Variants in HACD3 observed in about 807,000 individuals in gnomAD.
HACD3 encodes very-long-chain (3R)-3-hydroxyacyl-CoA dehydratase 3.
A neutral mutation model predicts 55.2 loss-of-function variants in HACD3; 30 were observed. The observed-to-expected ratio is 0.54, with a 90% confidence interval of 0.41 to 0.74. The LOEUF is 0.74. Ranked by LOEUF, HACD3 falls within the 30% of genes least tolerant of loss-of-function variation. HACD3 has a pLI of 0.00. For missense variants in HACD3, 363 were observed against 440.1 expected, an observed-to-expected ratio of 0.82 and a Z score of 1.57; for synonymous variants, 141 against 151.7, an observed-to-expected ratio of 0.93 and a Z score of 0.52.
In HACD3 at chr15:65,559,148, G is replaced by C. The variant is rs529286941; in HGVS notation, c.421+417G>C. On this transcript the variant is annotated intron_variant, in intron 5 of 10. Coordinates refer to ENST00000261875, the MANE Select transcript of HACD3 (RefSeq NM_016395.4). ...TGTGGTTGTCAGCCTGAAAGATGGAGAGTATTCTGTGTAGTCCTGCTATTC... is the reference window on the plus strand; with the variant it reads ...TGTGGTTGTCAGCCTGAAAGATGGACAGTATTCTGTGTAGTCCTGCTATTC... Among the ~76,000 whole-genome samples, 8 of 152,356 alleles carry C rather than the reference G, an allele frequency of 5.3e-5. No homozygotes were observed. In the East Asian group the frequency reaches 1.5e-3, roughly 29 times the overall value.
At chr15:65,563,882 A>G (rs535786288) in intron 6 of HACD3, among the ~76,000 whole-genome samples, 1 of 152,216 alleles carries the variant, frequency 6.6e-6, no homozygotes, top group African/African-American at 2.4e-5. Context: ...AGGCAGGAGA[A>G]TCACTTGAAC....
intron 1 of HACD3, among the ~76,000 whole-genome samples, chr15:65,549,860 G>A (rs144445017): frequency 3.5e-4 from 53 of 152,258 alleles, no homozygotes; most frequent in Admixed American, 6.5e-4. Context: ...CACAATTTAG[G>A]AGAACCAAAA....
chr15:65,532,632 CAAA>C (rs564490649), intron 1 of HACD3, among the ~76,000 whole-genome samples: 8 of 66,558 alleles, frequency 1.2e-4, no homozygotes, highest in Admixed American at 5.1e-4. Context: ...AACTCTGTCT[CAAA>C]AAAAAAAAAA....
intron 3 of HACD3, among the ~76,000 whole-genome samples, chr15:65,555,268 T>C (rs2072178039): frequency 6.6e-6 from 1 of 152,226 alleles, no homozygotes; most frequent in African/African-American, 2.4e-5. Context: ...CCAGCTCTGA[T>C]ATTCTCTGGT....
At chr15:65,563,850 G>A (rs1028979330) in intron 6 of HACD3, among the ~76,000 whole-genome samples, 22 of 152,070 alleles carry the variant, frequency 1.4e-4, no homozygotes, top group African/African-American at 5.1e-4. Flanking sequence ...CGTGCCTGTA[G>A]TCCCAGCTAC....
At chr15:65,545,019 A>T (rs894550083) in intron 1 of HACD3, among the ~76,000 whole-genome samples, 1 of 137,368 alleles carries the variant, frequency 7.3e-6, no homozygotes, top group African/African-American at 2.8e-5. Context: ...AATTCTGTCT[A>T]AAAAAAAAAA....
chr15:65,539,365 C>T (rs1413247637), intron 1 of HACD3, among the ~76,000 whole-genome samples: 8 of 151,836 alleles, frequency 5.3e-5, no homozygotes, highest in South Asian at 4.2e-4. Context: ...GGACTACGGG[C>T]GCCCGCCATC....
chr15:65,544,881 C>T (rs1181902943), intron 1 of HACD3, among the ~76,000 whole-genome samples: 1 of 151,814 alleles, frequency 6.6e-6, no homozygotes, highest in Non-Finnish European at 1.5e-5. Flanking sequence ...ATTAGCCGGG[C>T]GTGGTTGCAC....
chr15:65,560,533 C>T (rs571004617), intron 5 of HACD3, among the ~76,000 whole-genome samples: 1 of 152,312 alleles, frequency 6.6e-6, no homozygotes, highest in Non-Finnish European at 1.5e-5. Context: ...TATGATGGCT[C>T]ATGCCTCTAA....
At chr15:65,560,375 C>T (rs1008293024) in intron 5 of HACD3, among the ~76,000 whole-genome samples, 6 of 152,196 alleles carry the variant, frequency 3.9e-5, no homozygotes, top group Admixed American at 6.5e-5. Context: ...CTTGTTTCTT[C>T]CTTTACTCTG....
intron 8 of HACD3, among the ~76,000 whole-genome samples, chr15:65,570,867 A>G (rs1242577316): frequency 1.3e-5 from 2 of 152,198 alleles, no homozygotes; most frequent in Non-Finnish European, 2.9e-5. Context: ...AGGCCATAGC[A>G]GCCTTAAATT....
In HACD3 at chr15:65,537,958, AATATATATATATATATATAT is replaced by A. The variant is rs755882094; in HGVS notation, c.87+7263_87+7282del. ...AGAAAAAAAAAAAAAAAAAAAAAAAAATATATATATATATATATATATATATATATATATATATATATGTA... is the reference window on the plus strand; with the variant it reads ...AGAAAAAAAAAAAAAAAAAAAAAAAAATATATATATATATATATATATGTA... On this transcript the variant is annotated intron_variant, in intron 1 of 10. Transcript: ENST00000261875. Among the ~76,000 whole-genome samples the A allele has an allele frequency of 9.4e-3, 104 of 11,082 alleles. 2 individuals are homozygous for A. The highest frequency in any genetic ancestry group is 0.039 in the South Asian group (10 of 258). The allele number at this position is 11,082 out of a possible 152,430, so 7.3% of individuals were successfully genotyped here.
Position 65,576,524 on chromosome 15 carries a change from C to G in HACD3, c.*145C>G. The stretch of plus-strand genomic sequence containing the variant: ...ATCTTCCTTTTCCCCAGTAACATTC[C>G]TGAATTTACTGTTATCTTATTGTAG... On this transcript the variant is annotated 3_prime_UTR_variant, in exon 11 of 11. Transcript: ENST00000261875. 3 of 812,494 alleles carry G rather than the reference C, an allele frequency of 3.7e-6. No homozygotes were observed. Among genetic ancestry groups the G allele is most frequent in the Non-Finnish European group, 5.7e-6 (3 of 529,472 alleles). 50.3% of individuals were successfully genotyped at this position (812,494 alleles called of 1,614,324 possible). A position where few individuals can be genotyped will look rare whatever the true frequency, so the allele number is the denominator to read the frequency against.
chr15:65,562,628 G>C (rs938003888), intron 5 of HACD3, 146 bp from the exon 6 acceptor site: 1 of 1,038,088 alleles, frequency 9.6e-7, no homozygotes, highest in Non-Finnish European at 1.3e-6. Flanking sequence ...GCCCAGGCTG[G>C]TGAGGACCTG....
At chr15:65,545,749 C>A (rs1459113269) in intron 1 of HACD3, among the ~76,000 whole-genome samples, 1 of 57,664 alleles carries the variant, frequency 1.7e-5, no homozygotes, top group African/African-American at 4.3e-5. Flanking sequence ...CCACCCGTGG[C>A]CGATTCTGGA....
intron 1 of HACD3, among the ~76,000 whole-genome samples, chr15:65,550,270 C>T (rs766580042): frequency 1.6e-4 from 25 of 152,084 alleles, no homozygotes; most frequent in Non-Finnish European, 2.5e-4. Context: ...GCCTGTAATA[C>T]CAGCTACTCA....
intron 1 of HACD3, among the ~76,000 whole-genome samples, chr15:65,544,903 C>A (rs1192561928): frequency 1.3e-5 from 2 of 151,882 alleles, no homozygotes; most frequent in African/African-American, 4.8e-5. Context: ...TGTCTGTAAT[C>A]CCAGCTGCTC....
rs150709214 is a variant in HACD3, at chr15:65,554,740, A to G, written c.131-147A>G. On this transcript the variant is annotated intron_variant, in intron 2 of 10. Coordinates refer to ENST00000261875, the MANE Select transcript of HACD3 (RefSeq NM_016395.4). ...CAGTGAGCCGAGATCATGCCACTGC[A>G]CTCCAGCCTGGGCAACAGAGCAAGA... is the stretch of plus-strand genomic sequence containing the variant. 4,301 of 509,800 alleles carry G rather than the reference A, an allele frequency of 8.4e-3. 63 individuals carry two copies. The highest frequency in any genetic ancestry group is 0.04 in the South Asian group (1,904 of 48,042). The allele number at this position is 509,800 out of a possible 1,614,324, so 31.6% of individuals were successfully genotyped here.
chr15:65,532,148 G>A (rs2071907445), intron 1 of HACD3, among the ~76,000 whole-genome samples: 1 of 152,144 alleles, frequency 6.6e-6, no homozygotes, highest in African/African-American at 2.4e-5. Flanking sequence ...TGCATGGTGT[G>A]TCGTTTAATG....
Sources: allele counts gnomAD v4.1 joint callset (sites outside exome capture counted in the v4.1 genomes callset), GRCh38; gene constraint gnomAD v4.1.1; transcripts MANE v1.5; gene names NCBI Gene and HGNC (gene_info 2026-07-23, HGNC 2026-07-21).